The following PIGK variants were observed in gnomAD, a reference collection of about 807,000 sequenced individuals.
The protein encoded by PIGK is GPI-anchor transamidase.
A neutral mutation model predicts 50.6 loss-of-function variants in PIGK; 42 were observed. The ratio of observed to expected loss-of-function variants is 0.83; its 90% CI spans 0.65 to 1.07. The LOEUF (loss-of-function observed/expected upper bound fraction) is 1.07. PIGK is among the 50% of genes least tolerant of loss of function. The pLI is 0.00. For synonymous variants in PIGK, 151 were observed against 156.0 expected, an observed-to-expected ratio of 0.97 and a Z score of 0.24; for missense variants, 448 against 488.7, an observed-to-expected ratio of 0.92 and a Z score of 0.78.
At chr1:77,202,245 A>C (rs1257883373) in intron 3 of PIGK, among the ~76,000 whole-genome samples, 3 of 152,208 alleles carry the variant, frequency 2.0e-5, no homozygotes, top group Non-Finnish European at 4.4e-5. Flanking sequence ...TCACTCTGCA[A>C]CAACATACCA....
intron 1 of PIGK, among the ~76,000 whole-genome samples, chr1:77,215,273 T>C (rs1332071440): frequency 6.6e-6 from 1 of 152,064 alleles, no homozygotes; most frequent in South Asian, 2.1e-4. Flanking sequence ...AGGATCTGAA[T>C]AGATATTTCT....
intron 9 of PIGK, among the ~76,000 whole-genome samples, chr1:77,146,621 C>A (rs531513349): frequency 6.6e-6 from 1 of 152,042 alleles, no homozygotes; most frequent in African/African-American, 2.4e-5. Flanking sequence ...CACGGCGAAA[C>A]CCCGTCTCTA....
intron 9 of PIGK, among the ~76,000 whole-genome samples, chr1:77,123,502 A>C (rs1654152238): frequency 3.9e-5 from 6 of 152,152 alleles, no homozygotes. Context: ...TATCTTGCAG[A>C]ATTTGCATAA....
intron 3 of PIGK, among the ~76,000 whole-genome samples, chr1:77,180,521 A>T (rs1655587103): frequency 6.6e-6 from 1 of 152,154 alleles, no homozygotes; most frequent in African/African-American, 2.4e-5. Context: ...CAGTTTAGGA[A>T]GTTTATTTTG....
chr1:77,172,070 A>ATTTTTTTTTTTTTTTTTTTTTTTTTTT (rs34115617), intron 3 of PIGK, among the ~76,000 whole-genome samples: 1 of 130,938 alleles, frequency 7.6e-6, no homozygotes. Context: ...TCTACATTTA[A>ATTTTTTTTTTTTTTTTTTTTTTTTTTT]TTTTTTTTTT....
intron 9 of PIGK, chr1:77,129,129 C>T: frequency 2.4e-6 from 3 of 1,243,280 alleles, no homozygotes; most frequent in African/African-American, 1.5e-5. Flanking sequence ...TCGCTACTCA[C>T]TTGACCCGGA....
rs1013366679 is a variant in PIGK at position 77,182,708 on chromosome 1, G to A, written c.240-13313C>T. 3.9e-5 allele frequency among the ~76,000 whole-genome samples: 6 copies of A among 152,234 alleles called. 1 individual carries two copies. Among genetic ancestry groups the A allele is most frequent in the African/African-American group, 1.4e-4 (6 of 41,542 alleles). ...ATTGGTTTTGGGGTTTCTGGATTTG[G>A]CTGCTTAATATGATCAGTCCCCAAA... On this transcript the variant is annotated intron_variant, in intron 3 of 10. Transcript: ENST00000370812.
At chr1:77,163,813 A>G (rs1655178509) in intron 6 of PIGK, 33 bp downstream of exon 6, 1 of 1,195,590 alleles carries the variant, frequency 8.4e-7, no homozygotes, top group Non-Finnish European at 1.2e-6. Context: ...AGGTATGAAT[A>G]TAGCTTATGA....
intron 9 of PIGK, among the ~76,000 whole-genome samples, chr1:77,128,173 T>G (rs368003221): frequency 6.6e-6 from 1 of 152,174 alleles, no homozygotes; most frequent in Non-Finnish European, 1.5e-5. Context: ...TGCATCACTA[T>G]TTTTCTAATT....
At chr1:77,148,028 CACT>C (rs1654809665) in intron 9 of PIGK, among the ~76,000 whole-genome samples, 1 of 152,186 alleles carries the variant, frequency 6.6e-6, no homozygotes, top group Non-Finnish European at 1.5e-5. Flanking sequence ...CAATGGACTC[CACT>C]GTTTCCCTAA....
chr1:77,193,714 T>C (rs1655966564), intron 3 of PIGK, among the ~76,000 whole-genome samples: 3 of 152,216 alleles, frequency 2.0e-5, no homozygotes, highest in African/African-American at 4.8e-5. Flanking sequence ...TCATTATTTT[T>C]AATTGCAAGG....
intron 9 of PIGK, among the ~76,000 whole-genome samples, chr1:77,148,905 T>C (rs1476580088): frequency 2.0e-5 from 3 of 152,016 alleles, no homozygotes; most frequent in African/African-American, 7.2e-5. Context: ...TTAGTAGAGA[T>C]GGGGTTTCAC....
chr1:77,172,963 T>C (rs939650945), intron 3 of PIGK, among the ~76,000 whole-genome samples: 1 of 152,156 alleles, frequency 6.6e-6, no homozygotes, highest in African/African-American at 2.4e-5. Context: ...CAGGGATTTT[T>C]GTGTTCTACC....
At chr1:77,193,577 T>C (rs1039350154) in intron 3 of PIGK, among the ~76,000 whole-genome samples, 4 of 152,170 alleles carry the variant, frequency 2.6e-5, no homozygotes, top group South Asian at 2.1e-4. Flanking sequence ...ATTTTTACCA[T>C]AAGCAACATT....
intron 3 of PIGK, among the ~76,000 whole-genome samples, chr1:77,184,359 A>G (rs1370266458): frequency 6.6e-6 from 1 of 152,192 alleles, no homozygotes; most frequent in Non-Finnish European, 1.5e-5. Flanking sequence ...GACTTGAGCC[A>G]GTTTACAGAT....
At chr1:77,146,064 G>A (rs550939795) in intron 9 of PIGK, among the ~76,000 whole-genome samples, 6 of 151,924 alleles carry the variant, frequency 3.9e-5, no homozygotes, top group East Asian at 1.9e-4. Flanking sequence ...ATGATAAGTC[G>A]AACCATTGTA....
intron 2 of PIGK, 35 bp from the exon 3 acceptor site, chr1:77,206,766 A>C (rs770576872): frequency 8.1e-7 from 1 of 1,235,280 alleles, no homozygotes; most frequent in Non-Finnish European, 1.2e-6. Context: ...ATTTTTATGC[A>C]TCAAGGCTAA....
At chr1:77,114,524 TC>T (rs1653921017) in intron 10 of PIGK, among the ~76,000 whole-genome samples, 1 of 152,070 alleles carries the variant, frequency 6.6e-6, no homozygotes, top group South Asian at 2.1e-4. Flanking sequence ...TGACACAATT[TC>T]CATTTCTATT....
At chr1:77,113,126 A>T (rs376823958) in intron 10 of PIGK, among the ~76,000 whole-genome samples, 1 of 152,080 alleles carries the variant, frequency 6.6e-6, no homozygotes, top group African/African-American at 2.4e-5. Flanking sequence ...ATCAAAATCT[A>T]CTATAAAGCA....
Sources: allele counts gnomAD v4.1 joint callset (sites outside exome capture counted in the v4.1 genomes callset), GRCh38; gene constraint gnomAD v4.1.1; transcripts MANE v1.5; gene names NCBI Gene and HGNC (gene_info 2026-07-23, HGNC 2026-07-21).